The following AVEN variants were observed in gnomAD, a reference collection of about 807,000 sequenced individuals.
The protein encoded by AVEN is apoptosis and caspase activation inhibitor.
In AVEN, 41 loss-of-function variants were observed where a neutral mutation model predicts 38.1. The ratio of observed to expected loss-of-function variants is 1.08; its 90% CI spans 0.84 to 1.40. AVEN has a LOEUF of 1.40. Among genes scored for constraint, AVEN ranks in the 40% most tolerant of loss-of-function variants. The probability of loss-of-function intolerance (pLI) is 0.00; values close to 1 mark genes in which losing one functional copy is unlikely to be tolerated. For missense variants in AVEN, 605 were observed against 438.8 expected (o/e 1.38, Z -3.38); for synonymous variants, 206 against 171.8 (o/e 1.20, Z -1.56).
intron 2 of AVEN, among the ~76,000 whole-genome samples, chr15:33,996,804 A>AAAGG (rs1335161912): frequency 6.6e-6 from 1 of 152,240 alleles, no homozygotes. Flanking sequence ...CTTGTCCTCC[A>AAAGG]AAGGAACGCA....
At chr15:34,064,371 A>T (rs1900455894) in intron 4 of AVEN, 1 of 1,520,370 alleles carries the variant, frequency 6.6e-7, no homozygotes. Flanking sequence ...TCCTCTGAGG[A>T]TGAGCAAGCT....
intron 5 of AVEN, among the ~76,000 whole-genome samples, chr15:34,051,564 G>A (rs1160025807): frequency 3.3e-5 from 5 of 151,906 alleles, no homozygotes; most frequent in Admixed American, 1.3e-4. Context: ...CTGGTTTTTT[G>A]AAAATAGGTA....
chr15:33,855,334 G>C (rs1481266756), downstream of AVEN, among the ~76,000 whole-genome samples: 2 of 152,190 alleles, frequency 1.3e-5, no homozygotes, highest in African/African-American at 2.4e-5. Flanking sequence ...CTCCAGAGTA[G>C]CTGGGATTAC....
intron 2 of AVEN, among the ~76,000 whole-genome samples, chr15:33,960,423 G>A (rs1895117063): frequency 7.1e-6 from 1 of 141,662 alleles, no homozygotes; most frequent in African/African-American, 2.9e-5. Flanking sequence ...TGTGTCTCGT[G>A]TGTGTGTGTG....
chr15:34,041,531 G>C (rs1033432448), upstream of AVEN, among the ~76,000 whole-genome samples: 9 of 152,202 alleles, frequency 5.9e-5, no homozygotes, highest in African/African-American at 2.2e-4. Flanking sequence ...GAAAAGATCA[G>C]TGGCTTGCAG....
In AVEN at chr15:33,871,829, T is replaced by C. The variant is rs1890970407; in HGVS notation, c.517-799A>G. Reference sequence around the variant, plus strand: ...GAAGGCTTTCTTTTTTGGTCACCAGTTTGCCCCATAAAGGGCTAAAGCTGA... The same window carrying C: ...GAAGGCTTTCTTTTTTGGTCACCAGCTTGCCCCATAAAGGGCTAAAGCTGA... On this transcript the variant is annotated intron_variant, in intron 3 of 5. Coordinates refer to ENST00000306730, the MANE Select transcript of AVEN (RefSeq NM_020371.3). 2.0e-5 allele frequency among the ~76,000 whole-genome samples: 3 copies of C among 151,596 alleles called. No individual in the cohort carries two copies. In the South Asian group the frequency reaches 6.3e-4, roughly 32 times the overall value.
At chr15:33,854,253 C>A, downstream of AVEN, 1 of 669,786 alleles carries the variant, frequency 1.5e-6, no homozygotes, top group Non-Finnish European at 2.6e-6. Context: ...TCATGGGGAG[C>A]ACATACAACT....
chr15:34,049,653 G>T (rs1899858318), intron 5 of AVEN, among the ~76,000 whole-genome samples: 1 of 152,062 alleles, frequency 6.6e-6, no homozygotes, highest in Non-Finnish European at 1.5e-5. Flanking sequence ...AGCAAGTCAG[G>T]CCAACGTTCA....
intron 1 of AVEN, among the ~76,000 whole-genome samples, chr15:34,037,260 A>G (rs1899186488): frequency 6.6e-6 from 1 of 152,118 alleles, no homozygotes; most frequent in Non-Finnish European, 1.5e-5. Flanking sequence ...CACCAAATGT[A>G]CCATTACTAC....
chr15:33,863,584 A>C (rs1239820858), downstream of AVEN, among the ~76,000 whole-genome samples: 5 of 152,180 alleles, frequency 3.3e-5, no homozygotes, highest in African/African-American at 1.2e-4. Context: ...TGTCACAGAC[A>C]AACTCAAACC....
downstream of AVEN, among the ~76,000 whole-genome samples, chr15:33,863,151 G>A (rs1472962898): frequency 6.6e-6 from 1 of 152,096 alleles, no homozygotes; most frequent in African/African-American, 2.4e-5. Context: ...ATCCCCTCTA[G>A]GAGCAAGCTT....
downstream of AVEN, among the ~76,000 whole-genome samples, chr15:33,863,186 C>T (rs532118329): frequency 1.1e-4 from 16 of 152,268 alleles, no homozygotes; most frequent in South Asian, 3.1e-3. Context: ...CAATTTTATT[C>T]GTGTTTGAGC....
At chr15:34,067,310 T>G (rs1258901129) in intron 2 of AVEN, 2 of 152,244 alleles carry the variant, frequency 1.3e-5, no homozygotes, top group Non-Finnish European at 2.9e-5. Context: ...GCCAGCTCTT[T>G]GTAATTGTGA....
intron 2 of AVEN, among the ~76,000 whole-genome samples, chr15:33,967,871 T>C (rs564890426): frequency 2.0e-5 from 3 of 149,796 alleles, no homozygotes; most frequent in South Asian, 4.2e-4. Flanking sequence ...TGAGGACTTA[T>C]AATGCTTTAC....
At chr15:34,028,047 T>C (rs1242980980) in intron 1 of AVEN, among the ~76,000 whole-genome samples, 2 of 151,974 alleles carry the variant, frequency 1.3e-5, no homozygotes, top group African/African-American at 4.8e-5. Flanking sequence ...AAGGCAGAGG[T>C]GTAAATTTCC....
At chr15:33,875,410 A>ACACACAAAGAAAATATTACATG (rs1891176910) in intron 3 of AVEN, among the ~76,000 whole-genome samples, 1 of 152,190 alleles carries the variant, frequency 6.6e-6, no homozygotes, top group South Asian at 2.1e-4. Flanking sequence ...AATATTACAT[A>ACACACAAAGAAAATATTACATG]CACACAAAGA....
At chr15:33,861,073 C>G (rs772108766) in intron 11 of AVEN, 2 of 1,574,316 alleles carry the variant, frequency 1.3e-6, no homozygotes, top group African/African-American at 1.3e-5. Flanking sequence ...TGTTATTTTT[C>G]TTAGACTAAA....
chr15:34,013,915 A>G (rs911095381), intron 1 of AVEN, among the ~76,000 whole-genome samples: 2 of 152,212 alleles, frequency 1.3e-5, no homozygotes, highest in African/African-American at 4.8e-5. Context: ...AACGGCTGCT[A>G]TCTTCCGCCT....
intron 2 of AVEN, among the ~76,000 whole-genome samples, chr15:33,988,230 C>A (rs913729613): frequency 1.3e-5 from 2 of 152,174 alleles, no homozygotes; most frequent in African/African-American, 4.8e-5. Context: ...CAGTGATATA[C>A]AATAAACATA....
Sources: allele counts gnomAD v4.1 joint callset (sites outside exome capture counted in the v4.1 genomes callset), GRCh38; gene constraint gnomAD v4.1.1; transcripts MANE v1.5; gene names NCBI Gene and HGNC (gene_info 2026-07-23, HGNC 2026-07-21).